Variants in HYAL4 observed in about 807,000 individuals in gnomAD.
HYAL4 encodes the protein hyaluronidase-4.
HYAL4 carries 37 observed loss-of-function variants against 35.2 expected under a neutral mutation model. The ratio of observed to expected loss-of-function variants is 1.05; its 90% CI spans 0.81 to 1.38. The LOEUF is 1.38. Among genes scored for constraint, HYAL4 ranks in the 40% most tolerant of loss-of-function variants. HYAL4 has a pLI of 0.00. For missense variants in HYAL4, 572 were observed against 572.4 expected (o/e 1.00, Z 0.01); for synonymous variants, 198 against 203.2 (o/e 0.97, Z 0.22).
At chr7:123,808,682 G>T in the HYAL4 span, among the ~76,000 whole-genome samples, 1 of 152,066 alleles carries the variant, frequency 6.6e-6, no homozygotes, top group East Asian at 1.9e-4. Context: ...GTCTTAGTCT[G>T]TTCAGGCTGC....
At chr7:123,800,505 A>G in the HYAL4 span, among the ~76,000 whole-genome samples, 38,123 of 144,868 alleles carry the variant, frequency 0.26, 5,138 homozygotes, top group Middle Eastern at 0.37. Flanking sequence ...ATTAAAAAAA[A>G]AGAAGTTTTT....
intron 1 of HYAL4, among the ~76,000 whole-genome samples, chr7:123,838,654 T>C (rs1465047825): frequency 6.6e-6 from 1 of 152,080 alleles, no homozygotes; most frequent in African/African-American, 2.4e-5. Context: ...GGTTGTTCCT[T>C]GAGCTTGTTA....
At chr7:123,873,448 T>C (rs1806936049) in intron 3 of HYAL4, among the ~76,000 whole-genome samples, 1 of 152,140 alleles carries the variant, frequency 6.6e-6, no homozygotes. Context: ...AAAACCTTTT[T>C]TTGAGTGTTA....
chr7:123,813,719 T>A, the HYAL4 span, among the ~76,000 whole-genome samples: 1 of 152,210 alleles, frequency 6.6e-6, no homozygotes, highest in South Asian at 2.1e-4. Context: ...AAAATCCCAA[T>A]ATTTGTTAAT....
At chr7:123,843,507 GC>G, upstream of HYAL4, among the ~76,000 whole-genome samples, 1 of 151,912 alleles carries the variant, frequency 6.6e-6, no homozygotes, top group Admixed American at 6.6e-5. Flanking sequence ...GAGTATCTGT[GC>G]TGTTCTCTGT....
chr7:123,845,659 TTTC>T lies in HYAL4; in HGVS notation c.-142_-140del, dbSNP rs1391345579. On this transcript the variant is annotated 5_prime_UTR_variant, in exon 1 of 5. Coordinates refer to ENST00000223026, the MANE Select transcript of HYAL4 (RefSeq NM_012269.3). Reference sequence around the variant, plus strand: ...AATTCTTTTTTAGGAAAATCAGGAATTTCTTCTTGGTTTGGAGCCATTGCTGGT... The same window carrying T: ...AATTCTTTTTTAGGAAAATCAGGAATTTCTTGGTTTGGAGCCATTGCTGGT... 1 of 152,200 alleles carries T rather than the reference TTTC, an allele frequency of 6.6e-6. No homozygotes were observed. Among genetic ancestry groups the T allele is most frequent in the Non-Finnish European group, 1.5e-5 (1 of 68,038 alleles). 9.4% of individuals were successfully genotyped at this position (152,200 alleles called of 1,614,324 possible). A position where few individuals can be genotyped will look rare whatever the true frequency, so the allele number is the denominator to read the frequency against.
the HYAL4 span, among the ~76,000 whole-genome samples, chr7:123,790,079 G>T: frequency 6.6e-6 from 1 of 152,044 alleles, no homozygotes; most frequent in East Asian, 1.9e-4. Flanking sequence ...TCTTTGAGGC[G>T]GGGGAAACCT....
chr7:123,767,682 A>G, the HYAL4 span, among the ~76,000 whole-genome samples: 11,330 of 152,256 alleles, frequency 0.074, 465 homozygotes, highest in East Asian at 0.11. Context: ...TACTGAACCA[A>G]TCACCGTGGC....
chr7:123,803,115 T>A, the HYAL4 span, among the ~76,000 whole-genome samples: 2 of 152,304 alleles, frequency 1.3e-5, no homozygotes, highest in South Asian at 2.1e-4. Context: ...GAAGTATCTC[T>A]AGGGAGAGAT....
At chr7:123,807,684 A>C in the HYAL4 span, among the ~76,000 whole-genome samples, 1 of 150,982 alleles carries the variant, frequency 6.6e-6, no homozygotes, top group East Asian at 2.0e-4. Flanking sequence ...TAGGTGATCC[A>C]CCTGCCTTGG....
chr7:123,787,815 GAA>G, the HYAL4 span, among the ~76,000 whole-genome samples: 2 of 152,116 alleles, frequency 1.3e-5, no homozygotes, highest in Admixed American at 6.5e-5. Context: ...CTCTTTGGAT[GAA>G]AAACAGAAAA....
At chr7:123,766,975 TAATCA>T in the HYAL4 span, among the ~76,000 whole-genome samples, 1 of 152,204 alleles carries the variant, frequency 6.6e-6, no homozygotes, top group African/African-American at 2.4e-5. Flanking sequence ...AATCTAATTT[TAATCA>T]AATCATGTTT....
the HYAL4 span, among the ~76,000 whole-genome samples, chr7:123,815,919 A>G: frequency 1.3e-5 from 2 of 152,210 alleles, no homozygotes; most frequent in Non-Finnish European, 2.9e-5. Context: ...TTTCAGAATA[A>G]AATCCAATTA....
intron 2 of HYAL4, among the ~76,000 whole-genome samples, chr7:123,852,244 T>C (rs1241762142): frequency 6.6e-6 from 1 of 152,320 alleles, no homozygotes; most frequent in East Asian, 1.9e-4. Context: ...TTAGTTTAAT[T>C]AGATCCCATT....
At chr7:123,856,108 T>C (rs981907383) in intron 2 of HYAL4, among the ~76,000 whole-genome samples, 1 of 152,054 alleles carries the variant, frequency 6.6e-6, no homozygotes, top group East Asian at 1.9e-4. Flanking sequence ...TGTAACCTTT[T>C]ATCAAGGTTC....
chr7:123,823,003 T>C, the HYAL4 span, among the ~76,000 whole-genome samples: 1 of 152,078 alleles, frequency 6.6e-6, no homozygotes, highest in Non-Finnish European at 1.5e-5. Context: ...GAGAAGTGAT[T>C]AGAGTGAGTA....
chr7:123,848,057 TG>T, intron 1 of HYAL4, 31 bp from the exon 2 acceptor site: 1 of 152,752 alleles, frequency 6.5e-6, no homozygotes, highest in Middle Eastern at 3.4e-3. Context: ...GAGTCACCCC[TG>T]TAATAACATG....
upstream of HYAL4, among the ~76,000 whole-genome samples, chr7:123,827,297 C>A (rs999464596): frequency 3.9e-4 from 59 of 152,034 alleles, no homozygotes; most frequent in Non-Finnish European, 1.0e-4. Context: ...GTTCTGGAAG[C>A]TAAGTGAAGA....
the HYAL4 span, among the ~76,000 whole-genome samples, chr7:123,770,641 G>T: frequency 6.6e-6 from 1 of 152,050 alleles, no homozygotes; most frequent in Admixed American, 6.6e-5. Flanking sequence ...GCTCAGGGGA[G>T]CATTAGTCAT....
Sources: gnomAD v4.1 joint callset for allele counts (sites outside exome capture counted in the v4.1 genomes callset) on GRCh38, gnomAD v4.1.1 for gene constraint, MANE v1.5 for transcripts, NCBI Gene and HGNC (gene_info 2026-07-23, HGNC 2026-07-21) for gene names.